PPM1H: variants seen among roughly 807,000 people sequenced by gnomAD.
The protein encoded by PPM1H is protein phosphatase 1H.
A neutral mutation model predicts 54.9 loss-of-function variants in PPM1H; 27 were observed. The ratio of observed to expected loss-of-function variants is 0.49; its 90% CI spans 0.36 to 0.68. The LOEUF is 0.68. PPM1H is among the 30% of genes least tolerant of loss of function. The pLI is 0.00. For synonymous variants in PPM1H, 305 were observed against 270.8 expected (o/e 1.13, Z -1.24); for missense variants, 596 against 667.8 (o/e 0.89, Z 1.19).
intron 6 of PPM1H, among the ~76,000 whole-genome samples, chr12:62,698,659 T>G (rs1271660073): frequency 6.6e-6 from 1 of 152,200 alleles, no homozygotes; most frequent in Non-Finnish European, 1.5e-5. Context: ...CTTCTTTTGA[T>G]TTGGGCCTTG....
intron 4 of PPM1H, among the ~76,000 whole-genome samples, chr12:62,754,686 C>T (rs1352076499): frequency 2.0e-5 from 3 of 152,210 alleles, no homozygotes; most frequent in East Asian, 3.8e-4. Flanking sequence ...ATTCCCAATG[C>T]TTCTCTCCCA....
chr12:62,896,889 G>A (rs1381361966), intron 1 of PPM1H, among the ~76,000 whole-genome samples: 1 of 152,056 alleles, frequency 6.6e-6, no homozygotes, highest in Admixed American at 6.5e-5. Flanking sequence ...AGAAAATGTG[G>A]CACACATACA....
chr12:62,932,380 T>G (rs1227902675), intron 1 of PPM1H, among the ~76,000 whole-genome samples: 1 of 152,116 alleles, frequency 6.6e-6, no homozygotes, highest in Non-Finnish European at 1.5e-5. Flanking sequence ...CATGCTTATC[T>G]GAGGCTTTCC....
At chr12:62,897,663 C>T (rs1871037421) in intron 1 of PPM1H, among the ~76,000 whole-genome samples, 1 of 152,128 alleles carries the variant, frequency 6.6e-6, no homozygotes, top group Non-Finnish European at 1.5e-5. Flanking sequence ...ATGAAGGACA[C>T]CCAGCCTTGG....
In PPM1H at chr12:62,857,000, A is replaced by G. The variant is rs80229666; in HGVS notation, c.246-24721T>C. 1.4e-3 allele frequency among the ~76,000 whole-genome samples: 210 copies of G among 152,306 alleles called. 5 individuals are homozygous for G. In the East Asian group the frequency reaches 0.034, roughly 25 times the overall value. Reference sequence around the variant, plus strand: ...TGTCTTTTCTTAAATTGGGTAATACATAGGTCTAATGTGTATATGTGATCA... The same window carrying G: ...TGTCTTTTCTTAAATTGGGTAATACGTAGGTCTAATGTGTATATGTGATCA... On this transcript the variant is annotated intron_variant, in intron 1 of 9. Transcript: ENST00000228705.
At chr12:62,666,101 C>T (rs571974032) in intron 9 of PPM1H, among the ~76,000 whole-genome samples, 1 of 150,208 alleles carries the variant, frequency 6.7e-6, no homozygotes, top group African/African-American at 2.4e-5. Flanking sequence ...GTTTTGAGAC[C>T]GAGTCTTCCT....
At chr12:62,716,920 G>C (rs560488735) in intron 6 of PPM1H, among the ~76,000 whole-genome samples, 2 of 152,158 alleles carry the variant, frequency 1.3e-5, no homozygotes, top group Admixed American at 6.5e-5. Flanking sequence ...ATTAAAGTTG[G>C]GGGGAGTGCT....
At chr12:62,867,670 C>T (rs1869832253) in intron 1 of PPM1H, among the ~76,000 whole-genome samples, 2 of 148,112 alleles carry the variant, frequency 1.4e-5, no homozygotes, top group South Asian at 4.3e-4. Flanking sequence ...CTCCGCCTCC[C>T]GGATTCACGC....
rs1199175374 is a variant in PPM1H at position 62,934,641 on chromosome 12, G to A, written c.96C>T (p.Gly32=). Residue 32 remains glycine, a synonymous_variant, in exon 1 of 10, where the codon GGC becomes GGT. Transcript: ENST00000228705. The surrounding 1 kb of genome is among the most constrained non-coding windows in gnomAD (Gnocchi z 4.2). Reference sequence around the variant, plus strand: ...AGGGGAAACGCAGGGGCAGGTCCGAGCCTCCGCAGCTGCCGCCGCCGTGCT... The same window carrying A: ...AGGGGAAACGCAGGGGCAGGTCCGAACCTCCGCAGCTGCCGCCGCCGTGCT... ...GSEHGGGSCG[G]SDLPLRFPYG... 4.4e-6 allele frequency: 7 copies of A among 1,594,086 alleles called. No individual in the cohort carries two copies. The highest frequency in any genetic ancestry group is 1.7e-5 in the Admixed American group (1 of 57,498).
intron 6 of PPM1H, among the ~76,000 whole-genome samples, chr12:62,700,505 A>T (rs2076138361): frequency 6.6e-6 from 1 of 152,226 alleles, no homozygotes; most frequent in South Asian, 2.1e-4. Flanking sequence ...ACAAGGATTG[A>T]GTATTTTGTC....
At chr12:62,686,673 T>C (rs961627897) in intron 8 of PPM1H, among the ~76,000 whole-genome samples, 10 of 152,228 alleles carry the variant, frequency 6.6e-5, no homozygotes, top group African/African-American at 2.4e-4. Flanking sequence ...AGAATTGCTA[T>C]GAGGACTCAA....
intron 1 of PPM1H, among the ~76,000 whole-genome samples, chr12:62,837,328 C>T (rs368646351): frequency 5.9e-5 from 9 of 152,352 alleles, no homozygotes; most frequent in Admixed American, 2.0e-4. Flanking sequence ...CAAGTATTCT[C>T]ACATAGTGGT....
intron 1 of PPM1H, among the ~76,000 whole-genome samples, chr12:62,835,162 C>T (rs1235325708): frequency 1.3e-5 from 2 of 152,198 alleles, no homozygotes; most frequent in African/African-American, 4.8e-5. Flanking sequence ...ACTCATCCAC[C>T]ACTGCCGTTT....
In PPM1H at chr12:62,888,248, A is replaced by C. The variant is rs146429806; in HGVS notation, c.245+46244T>G. Among the ~76,000 whole-genome samples the C allele has an allele frequency of 1.2e-3, 185 of 152,276 alleles. 1 individual carries two copies. The highest frequency in any genetic ancestry group is 4.4e-3 in the African/African-American group (182 of 41,552). ...TGGCACCATTTGCTGAAATTTATAA[A>C]ATGGAGGGAGAGGCAGGAATTACAG... is the stretch of plus-strand genomic sequence containing the variant. On this transcript the variant is annotated intron_variant, in intron 1 of 9. Coordinates refer to ENST00000228705, the MANE Select transcript of PPM1H (RefSeq NM_020700.2).
chr12:62,700,825 G>A (rs1177253897), intron 6 of PPM1H, among the ~76,000 whole-genome samples: 1 of 152,110 alleles, frequency 6.6e-6, no homozygotes, highest in Non-Finnish European at 1.5e-5. Flanking sequence ...ACCCATCAAA[G>A]GTTTTCTATT....
intron 1 of PPM1H, among the ~76,000 whole-genome samples, chr12:62,918,359 C>T (rs1280209936): frequency 1.3e-5 from 2 of 152,142 alleles, no homozygotes; most frequent in Non-Finnish European, 2.9e-5. Context: ...TCTTTTGCCT[C>T]TTAAGACATG....
At chr12:62,835,985 T>TAACAGATTC (rs1232239810) in intron 1 of PPM1H, among the ~76,000 whole-genome samples, 1 of 152,226 alleles carries the variant, frequency 6.6e-6, no homozygotes, top group African/African-American at 2.4e-5. Context: ...AGCATGCTGT[T>TAACAGATTC]AACAGATTCA....
At chr12:62,853,784 C>T (rs1327151809) in intron 1 of PPM1H, among the ~76,000 whole-genome samples, 1 of 152,168 alleles carries the variant, frequency 6.6e-6, no homozygotes. Flanking sequence ...AGGGAGCCTA[C>T]TCCTTTCTAT....
At chr12:62,738,978 G>A (rs1175856471) in intron 4 of PPM1H, among the ~76,000 whole-genome samples, 1 of 151,858 alleles carries the variant, frequency 6.6e-6, no homozygotes, top group Non-Finnish European at 1.5e-5. Context: ...ACGGGAAAGT[G>A]GGGGGTCGGG....
Sources: allele counts gnomAD v4.1 joint callset (sites outside exome capture counted in the v4.1 genomes callset), GRCh38; gene constraint gnomAD v4.1.1; non-coding constraint Gnocchi (gnomAD v3.1); transcripts MANE v1.5; gene names NCBI Gene and HGNC (gene_info 2026-07-23, HGNC 2026-07-21).